GUCY1A2: variants seen among roughly 807,000 people sequenced by gnomAD.
GUCY1A2 encodes the protein guanylate cyclase 1 soluble subunit alpha 2.
A neutral mutation model predicts 63.5 loss-of-function variants in GUCY1A2; 27 were observed. The ratio of observed to expected loss-of-function variants is 0.43; its 90% CI spans 0.31 to 0.59. The LOEUF (loss-of-function observed/expected upper bound fraction) is 0.59. GUCY1A2 is among the 20% of genes least tolerant of loss of function. GUCY1A2 has a pLI of 0.11. For missense variants in GUCY1A2, 768 were observed against 913.3 expected, an observed-to-expected ratio of 0.84 and a Z score of 2.05; for synonymous variants, 364 against 343.5, an observed-to-expected ratio of 1.06 and a Z score of -0.66.
chr11:106,958,977 G>T (rs1213273881), intron 3 of GUCY1A2, among the ~76,000 whole-genome samples: 1 of 152,186 alleles, frequency 6.6e-6, no homozygotes, highest in Non-Finnish European at 1.5e-5. Context: ...CCGTGAAAAT[G>T]AGTATCAGTG....
In GUCY1A2 at chr11:106,916,198, T is replaced by C. The variant is rs569970244; in HGVS notation, c.1206+23262A>G. ...CATAAAGTACTTTTTGGTTAAATAG[T>C]AAGACTACTTTGAGAATCATAAATG... On this transcript the variant is annotated intron_variant, in intron 4 of 7. Coordinates refer to ENST00000526355, the MANE Select transcript of GUCY1A2 (RefSeq NM_000855.3). Among the ~76,000 whole-genome samples, 29 of 145,992 alleles carry C rather than the reference T, an allele frequency of 2.0e-4. 5 individuals carry two copies. In the South Asian group the frequency reaches 6.6e-3, roughly 33 times the overall value.
intron 2 of GUCY1A2, among the ~76,000 whole-genome samples, chr11:106,982,212 AACAT>A (rs1024119324): frequency 3.1e-4 from 47 of 152,318 alleles, no homozygotes; most frequent in African/African-American, 1.1e-3. Flanking sequence ...ATCTTTCCAC[AACAT>A]ACAAAGAGAA....
rs1289845301 is a variant in GUCY1A2 at position 106,827,801 on chromosome 11, A to T, written c.1207-17323T>A. On this transcript the variant is annotated intron_variant, in intron 4 of 7. Transcript: ENST00000526355. ...GAATATCTTCTGATGGAAAGTGAGT[A>T]GCCAACTGCTCCGCACAAGTGACGC... The T allele has an allele frequency of 3.2e-6, 5 of 1,580,118 alleles. No homozygotes were observed. In the African/African-American group the frequency reaches 6.7e-5, roughly 21 times the overall value.
At chr11:106,731,352 A>T (rs948892972) in intron 6 of GUCY1A2, among the ~76,000 whole-genome samples, 37 of 152,266 alleles carry the variant, frequency 2.4e-4, no homozygotes, top group Non-Finnish European at 4.7e-4. Context: ...CATGTTAAAA[A>T]CCTCAACAAG....
intron 7 of GUCY1A2, among the ~76,000 whole-genome samples, chr11:106,707,544 A>C (rs1479635326): frequency 6.6e-6 from 1 of 152,056 alleles, no homozygotes; most frequent in African/African-American, 2.4e-5. Flanking sequence ...AAAGTAAGAC[A>C]TTTTCATGCT....
chr11:106,732,348 C>T (rs1296123240), intron 6 of GUCY1A2, among the ~76,000 whole-genome samples: 1 of 152,100 alleles, frequency 6.6e-6, no homozygotes, highest in Non-Finnish European at 1.5e-5. Flanking sequence ...AACTAGACCT[C>T]TTCCTTACAA....
chr11:106,709,527 A>G (rs1218858424), intron 6 of GUCY1A2, among the ~76,000 whole-genome samples: 2 of 85,476 alleles, frequency 2.3e-5, no homozygotes, highest in African/African-American at 5.7e-5. Context: ...TAAATATAAT[A>G]ATAATATAAT....
intron 2 of GUCY1A2, 72 bp from the exon 3 acceptor site, chr11:106,978,812 G>C: frequency 1.1e-6 from 1 of 932,990 alleles, no homozygotes; most frequent in Non-Finnish European, 1.7e-6. Context: ...ATATACACAC[G>C]CACAAGCACA....
intron 5 of GUCY1A2, among the ~76,000 whole-genome samples, chr11:106,780,405 A>T (rs1487480902): frequency 6.6e-6 from 1 of 152,226 alleles, no homozygotes; most frequent in Admixed American, 6.5e-5. Context: ...AATGCACTAA[A>T]TTAGCAACAG....
chr11:106,726,395 G>A (rs1165652306), intron 6 of GUCY1A2, among the ~76,000 whole-genome samples: 2 of 152,034 alleles, frequency 1.3e-5, no homozygotes, highest in East Asian at 1.9e-4. Context: ...CAGCCTGGAC[G>A]ACAAGAACAA....
intron 4 of GUCY1A2, among the ~76,000 whole-genome samples, chr11:106,854,209 A>G (rs1294428974): frequency 6.6e-6 from 1 of 152,198 alleles, no homozygotes; most frequent in African/African-American, 2.4e-5. Flanking sequence ...TGTGCATAGC[A>G]CTGGCAGTGA....
intron 7 of GUCY1A2, among the ~76,000 whole-genome samples, chr11:106,701,473 C>A (rs1444985484): frequency 6.6e-6 from 1 of 152,106 alleles, no homozygotes; most frequent in Non-Finnish European, 1.5e-5. Context: ...TGCTGTAATT[C>A]CACTTTGCTC....
chr11:106,725,890 T>C (rs1863399537), intron 6 of GUCY1A2, among the ~76,000 whole-genome samples: 1 of 151,882 alleles, frequency 6.6e-6, no homozygotes, highest in Non-Finnish European at 1.5e-5. Flanking sequence ...CCTCCTTTTA[T>C]ATACCCATCC....
intron 6 of GUCY1A2, among the ~76,000 whole-genome samples, chr11:106,717,035 A>ATCTC (rs965546653): frequency 2.6e-5 from 4 of 152,146 alleles, no homozygotes; most frequent in African/African-American, 9.6e-5. Flanking sequence ...TGCCAAGTTC[A>ATCTC]TGGTAATATC....
chr11:106,897,428 C>T (rs979725315), intron 4 of GUCY1A2, among the ~76,000 whole-genome samples: 3 of 151,970 alleles, frequency 2.0e-5, no homozygotes, highest in African/African-American at 7.3e-5. Flanking sequence ...GGAGGACTGA[C>T]ATTACCCAAC....
intron 7 of GUCY1A2, among the ~76,000 whole-genome samples, chr11:106,693,104 C>T (rs2135337209): frequency 6.6e-6 from 1 of 152,306 alleles, no homozygotes; most frequent in Non-Finnish European, 1.5e-5. Context: ...TGTCTACTCA[C>T]TACCCAGCTA....
At chr11:106,888,732 AT>A (rs1859934529) in intron 4 of GUCY1A2, among the ~76,000 whole-genome samples, 1 of 152,186 alleles carries the variant, frequency 6.6e-6, no homozygotes, top group South Asian at 2.1e-4. Context: ...CATAAGAATC[AT>A]TTTTAAAAGT....
In GUCY1A2 at chr11:106,714,915, C is replaced by G. The variant is rs533143702; in HGVS notation, c.1837-6249G>C. Among the ~76,000 whole-genome samples, 40 of 152,194 alleles carry G rather than the reference C, an allele frequency of 2.6e-4. 1 individual carries two copies. Among genetic ancestry groups the G allele is most frequent in the African/African-American group, 9.1e-4 (38 of 41,532 alleles). ...ATTAATCTTGGTAAACGAGGATAAACAGAAATATAAATGCTTTCATCTGAT... is the reference window on the plus strand; with the variant it reads ...ATTAATCTTGGTAAACGAGGATAAAGAGAAATATAAATGCTTTCATCTGAT... On this transcript the variant is annotated intron_variant, in intron 6 of 7. Coordinates refer to ENST00000526355, the MANE Select transcript of GUCY1A2 (RefSeq NM_000855.3).
At chr11:106,966,374 C>T (rs1861126835) in intron 3 of GUCY1A2, among the ~76,000 whole-genome samples, 1 of 152,154 alleles carries the variant, frequency 6.6e-6, no homozygotes, top group African/African-American at 2.4e-5. Flanking sequence ...TCCCAAAGTG[C>T]TGGGATTACA....
Sources: gnomAD v4.1 joint callset for allele counts (sites outside exome capture counted in the v4.1 genomes callset) on GRCh38, gnomAD v4.1.1 for gene constraint, MANE v1.5 for transcripts, NCBI Gene and HGNC (gene_info 2026-07-23, HGNC 2026-07-21) for gene names.